CDH12: variants seen among roughly 807,000 people sequenced by gnomAD.
The protein encoded by CDH12 is cadherin 12, also known as cadherin-12.
Under a neutral mutation model 74.1 loss-of-function variants are expected in CDH12, and 41 were observed. That is an observed-to-expected ratio of 0.55 (90% CI 0.43 to 0.72). CDH12 has a LOEUF of 0.72. CDH12 is among the 30% of genes least tolerant of loss of function. CDH12 has a pLI of 0.00. For synonymous variants in CDH12, 399 were observed against 355.0 expected, an observed-to-expected ratio of 1.12 and a Z score of -1.39; for missense variants, 945 against 977.2, an observed-to-expected ratio of 0.97 and a Z score of 0.44.
At chr5:22,365,308 T>C (rs1368012687) in intron 3 of CDH12, among the ~76,000 whole-genome samples, 1 of 152,200 alleles carries the variant, frequency 6.6e-6, no homozygotes, top group Admixed American at 6.5e-5. Context: ...AGTTAATAAA[T>C]GCTACTGTTC....
intron 6 of CDH12, among the ~76,000 whole-genome samples, chr5:21,893,824 T>G (rs1162931753): frequency 6.6e-6 from 1 of 152,222 alleles, no homozygotes; most frequent in African/African-American, 2.4e-5. Context: ...GTGTACCAAC[T>G]GAAATGGCTC....
At chr5:22,321,085 G>C (rs1738855598) in intron 3 of CDH12, among the ~76,000 whole-genome samples, 1 of 152,106 alleles carries the variant, frequency 6.6e-6, no homozygotes, top group East Asian at 1.9e-4. Flanking sequence ...TTTCGTTTTA[G>C]TAAAAGGGTT....
At chr5:21,882,638 C>G (rs1752417060) in intron 6 of CDH12, 3 of 1,606,302 alleles carry the variant, frequency 1.9e-6, no homozygotes, top group Non-Finnish European at 1.7e-6. Context: ...GTCCAGGGTA[C>G]TGGCTCCTCA....
chr5:22,550,819 C>A (rs1738530754), intron 1 of CDH12, among the ~76,000 whole-genome samples: 1 of 152,162 alleles, frequency 6.6e-6, no homozygotes, highest in Admixed American at 6.5e-5. Flanking sequence ...GCATAGGAAG[C>A]CCTGAACATG....
intron 8 of CDH12, among the ~76,000 whole-genome samples, chr5:21,830,199 C>CAAAAAAAAAAAAAAAA (rs1055199877): frequency 4.8e-4 from 12 of 25,250 alleles, no homozygotes; most frequent in East Asian, 1.4e-3. Flanking sequence ...AACTCCTTCT[C>CAAAAAAAAAAAAAAAA]AAAAAAAAAA....
intron 7 of CDH12, among the ~76,000 whole-genome samples, chr5:21,843,535 G>T (rs1306272428): frequency 7.0e-6 from 1 of 143,102 alleles, no homozygotes; most frequent in Non-Finnish European, 1.5e-5. Context: ...TTTTTTTGAG[G>T]CAGAGTTTCT....
At chr5:22,693,575 A>T (rs1431217889) in intron 1 of CDH12, among the ~76,000 whole-genome samples, 1 of 152,194 alleles carries the variant, frequency 6.6e-6, no homozygotes, top group Admixed American at 6.5e-5. Flanking sequence ...GAAAATGAAC[A>T]TTATTCGTAA....
chr5:22,848,912 T>C (rs1046926774), intron 1 of CDH12, among the ~76,000 whole-genome samples: 1 of 152,192 alleles, frequency 6.6e-6, no homozygotes, highest in African/African-American at 2.4e-5. Context: ...TGTGGATTTT[T>C]TTTTCTCATC....
At chr5:22,729,621 A>AT (rs1366325483) in intron 1 of CDH12, among the ~76,000 whole-genome samples, 2 of 151,774 alleles carry the variant, frequency 1.3e-5, no homozygotes, top group East Asian at 1.9e-4. Context: ...TCTCTTTAAT[A>AT]TTTTTTCAGT....
At chr5:22,229,344 T>C (rs558437158) in intron 3 of CDH12, among the ~76,000 whole-genome samples, 44 of 74,850 alleles carry the variant, frequency 5.9e-4, no homozygotes, top group African/African-American at 1.7e-3. Context: ...ATTTACTTTA[T>C]TTTTTCTGCC....
intron 2 of CDH12, among the ~76,000 whole-genome samples, chr5:22,489,709 T>G (rs1746781374): frequency 6.6e-6 from 1 of 150,620 alleles, no homozygotes; most frequent in African/African-American, 2.4e-5. Flanking sequence ...TTTTTTTTTT[T>G]TTTTGAGGCA....
intron 3 of CDH12, among the ~76,000 whole-genome samples, chr5:22,269,890 T>C (rs543267473): frequency 2.9e-4 from 44 of 152,314 alleles, no homozygotes; most frequent in South Asian, 1.9e-3. Context: ...TAGCTTTCAT[T>C]TGAAAACAAA....
At chr5:22,024,943 C>T (rs1235946362) in intron 5 of CDH12, among the ~76,000 whole-genome samples, 1 of 152,018 alleles carries the variant, frequency 6.6e-6, no homozygotes, top group African/African-American at 2.4e-5. Flanking sequence ...TTTATAGAAA[C>T]CCACCTAAAA....
At chr5:22,371,473 T>C (rs1297918625) in intron 3 of CDH12, among the ~76,000 whole-genome samples, 1 of 152,136 alleles carries the variant, frequency 6.6e-6, no homozygotes, top group Non-Finnish European at 1.5e-5. Context: ...TCTCTGTAAG[T>C]AGAGTGATAC....
At position 22,120,448 on chromosome 5, in the gene CDH12, A is replaced by T. The variant is rs151325489; in HGVS notation, c.-186-41586T>A. Among the ~76,000 whole-genome samples, 4 of 152,316 alleles carry T rather than the reference A, an allele frequency of 2.6e-5. No individual in the cohort carries two copies. The East Asian group carries it at 7.7e-4, about 29-fold the overall frequency. ...TTTGAGGTTAAAAAAGCAATTGGTT[A>T]TTCAAGCTCCACAAGCAAGAGAGAA... On this transcript the variant is annotated intron_variant, in intron 4 of 14. Coordinates refer to ENST00000382254, the MANE Select transcript of CDH12 (RefSeq NM_004061.5).
intron 7 of CDH12, among the ~76,000 whole-genome samples, chr5:21,848,516 T>C (rs1750297449): frequency 6.6e-6 from 1 of 152,032 alleles, no homozygotes; most frequent in Non-Finnish European, 1.5e-5. Context: ...TCATTTCATT[T>C]TAGTGTTAAA....
chr5:21,961,250 T>C (rs1756351244), intron 6 of CDH12, among the ~76,000 whole-genome samples: 1 of 152,170 alleles, frequency 6.6e-6, no homozygotes, highest in South Asian at 2.1e-4. Context: ...AGAATTATAA[T>C]GCATTGCTAA....
chr5:21,821,951 CCTTA>C (rs565675552), intron 8 of CDH12, among the ~76,000 whole-genome samples: 205 of 151,812 alleles, frequency 1.4e-3, no homozygotes, highest in Non-Finnish European at 2.3e-3. Flanking sequence ...AATTATTTCA[CCTTA>C]CTTAAACAAC....
intron 1 of CDH12, among the ~76,000 whole-genome samples, chr5:22,752,478 A>T (rs73068154): frequency 3.7e-4 from 54 of 146,844 alleles, no homozygotes; most frequent in African/African-American, 1.4e-3. Context: ...TCATTTCTCA[A>T]ACTATGTGCC....
Sources: allele counts gnomAD v4.1 joint callset (sites outside exome capture counted in the v4.1 genomes callset), GRCh38; gene constraint gnomAD v4.1.1; transcripts MANE v1.5; gene names NCBI Gene and HGNC (gene_info 2026-07-23, HGNC 2026-07-21).